Variants in ANKS1B observed in about 807,000 individuals in gnomAD.
The protein encoded by ANKS1B is ankyrin repeat and sterile alpha motif domain containing 1B, also known as ankyrin repeat and sterile alpha motif domain-containing protein 1B.
ANKS1B carries 36 observed loss-of-function variants against 148.3 expected under a neutral mutation model. The observed-to-expected ratio is 0.24, with a 90% CI of 0.19 to 0.32. ANKS1B has a LOEUF of 0.32. Ranked by LOEUF, ANKS1B falls within the 10% of genes least tolerant of loss-of-function variation. The pLI, the probability that ANKS1B is intolerant of heterozygous loss-of-function variation, is 1.00. For synonymous variants in ANKS1B, 542 were observed against 560.8 expected (o/e 0.97, Z 0.47); for missense variants, 1,157 against 1,542.6 (o/e 0.75, Z 4.19).
intron 9 of ANKS1B, among the ~76,000 whole-genome samples, chr12:99,532,905 T>C (rs1429703911): frequency 6.6e-6 from 1 of 152,176 alleles, no homozygotes; most frequent in Non-Finnish European, 1.5e-5. Flanking sequence ...ACCAGTACCA[T>C]GTTATTTTGG....
At chr12:99,548,048 G>A (rs568789800) in intron 9 of ANKS1B, among the ~76,000 whole-genome samples, 2 of 152,132 alleles carry the variant, frequency 1.3e-5, no homozygotes, top group South Asian at 4.1e-4. Flanking sequence ...AATAAAATTT[G>A]TGTTAATTAT....
intron 17 of ANKS1B, among the ~76,000 whole-genome samples, chr12:98,847,344 A>C (rs2153743868): frequency 6.6e-6 from 1 of 152,288 alleles, no homozygotes; most frequent in Non-Finnish European, 1.5e-5. Flanking sequence ...TTCCACATTG[A>C]AGTGAGATCA....
At chr12:99,831,627 A>T (rs1346289282) in intron 1 of ANKS1B, among the ~76,000 whole-genome samples, 1 of 151,976 alleles carries the variant, frequency 6.6e-6, no homozygotes, top group Admixed American at 6.6e-5. Context: ...CTTAGTACTC[A>T]TCTTTCTCTC....
rs1276107849 is a variant in ANKS1B at position 99,246,324 on chromosome 12, G to T, written c.2297C>A (p.Ser766Tyr). ...TGGTGTTCTTTCAGAATTCCCTTTA[G>T]AACTGTGTTCAGCAGTGGAAGATTC... ...WSESSTAEHSSKGNSERTPSF... is the reference protein window; with the variant it reads ...WSESSTAEHSYKGNSERTPSF... Residue 766 changes from serine to tyrosine, a missense_variant, in exon 13 of 27, where the codon TCT becomes TAT. Physicochemically the swap from Ser to Tyr is moderately radical, Grantham distance 144. Coordinates refer to ENST00000683438, the MANE Select transcript of ANKS1B (RefSeq NM_001352186.2). The T allele has an allele frequency of 6.2e-7, 1 of 1,610,302 alleles. No individual in the cohort carries two copies. The highest frequency in any genetic ancestry group is 1.1e-5 in the South Asian group (1 of 90,308).
chr12:99,327,242 T>TA (rs2152241438), intron 12 of ANKS1B, among the ~76,000 whole-genome samples: 1 of 108,572 alleles, frequency 9.2e-6, no homozygotes, highest in African/African-American at 3.7e-5. Context: ...ATAATAATTA[T>TA]AATTTATTAT....
intron 17 of ANKS1B, among the ~76,000 whole-genome samples, chr12:98,842,922 A>C (rs1014966172): frequency 2.6e-5 from 4 of 152,210 alleles, no homozygotes; most frequent in African/African-American, 9.7e-5. Context: ...TGAGGGTCTT[A>C]ATCCTCCAAG....
chr12:99,747,423 T>C (rs529213976), intron 8 of ANKS1B, among the ~76,000 whole-genome samples: 1 of 152,094 alleles, frequency 6.6e-6, no homozygotes, highest in South Asian at 2.1e-4. Flanking sequence ...CCAATCCTCA[T>C]CTCAGCCCTT....
chr12:99,620,554 T>C (rs963224970), intron 9 of ANKS1B, among the ~76,000 whole-genome samples: 1 of 152,148 alleles, frequency 6.6e-6, no homozygotes, highest in Non-Finnish European at 1.5e-5. Context: ...CATTTGGAAT[T>C]GAGAAATTTG....
At chr12:99,870,073 T>G (rs2091304981) in intron 1 of ANKS1B, among the ~76,000 whole-genome samples, 1 of 152,182 alleles carries the variant, frequency 6.6e-6, no homozygotes, top group Admixed American at 6.5e-5. Flanking sequence ...ATTCGATAGT[T>G]TTTCAACTCT....
chr12:99,795,842 T>A (rs1005461365), intron 4 of ANKS1B, among the ~76,000 whole-genome samples: 2 of 152,052 alleles, frequency 1.3e-5, no homozygotes, highest in African/African-American at 4.8e-5. Flanking sequence ...ACTAAGCACT[T>A]ACCGTGCACT....
At chr12:99,491,276 G>A (rs573843271) in intron 10 of ANKS1B, among the ~76,000 whole-genome samples, 70 of 151,560 alleles carry the variant, frequency 4.6e-4, no homozygotes, top group African/African-American at 1.6e-3. Flanking sequence ...CTGCACTCCA[G>A]CCTGGGCGAC....
rs763825059 is a variant in ANKS1B at position 98,799,022 on chromosome 12, AT to A, written c.3271-18del. On this transcript the variant is annotated intron_variant, in intron 21 of 26. Coordinates refer to ENST00000683438, the MANE Select transcript of ANKS1B (RefSeq NM_001352186.2). ...ACCTAAATACTAAAATACAAAAAAA[AT>A]TCAATGATTTATGAAATGGAATATA... 4 of 1,566,810 alleles carry A rather than the reference AT, an allele frequency of 2.6e-6. No homozygotes were observed. The South Asian group carries it at 4.7e-5, about 18-fold the overall frequency.
At chr12:99,508,311 C>T (rs953731034) in intron 9 of ANKS1B, among the ~76,000 whole-genome samples, 5 of 151,780 alleles carry the variant, frequency 3.3e-5, no homozygotes, top group East Asian at 3.9e-4. Flanking sequence ...CAGGGTTATG[C>T]TGCCTATTCT....
At chr12:99,536,263 G>C (rs2097064634) in intron 9 of ANKS1B, among the ~76,000 whole-genome samples, 1 of 152,142 alleles carries the variant, frequency 6.6e-6, no homozygotes, top group South Asian at 2.1e-4. Flanking sequence ...TTCATCAATT[G>C]TAACAAATGT....
At chr12:99,454,097 T>C (rs993514716) in intron 10 of ANKS1B, among the ~76,000 whole-genome samples, 2 of 152,176 alleles carry the variant, frequency 1.3e-5, no homozygotes, top group African/African-American at 2.4e-5. Context: ...TGGGAAGCTA[T>C]AAATAGTTCA....
At chr12:99,472,522 TA>T (rs370799910) in intron 10 of ANKS1B, among the ~76,000 whole-genome samples, 149 of 152,290 alleles carry the variant, frequency 9.8e-4, no homozygotes, top group Admixed American at 3.5e-3. Flanking sequence ...TTTGTTGTTG[TA>T]ACAAAAATTG....
At chr12:99,883,120 C>T (rs986387725) in intron 1 of ANKS1B, among the ~76,000 whole-genome samples, 3 of 152,132 alleles carry the variant, frequency 2.0e-5, no homozygotes, top group Admixed American at 1.3e-4. Flanking sequence ...ATATAATAGA[C>T]TATTCTTTCA....
rs889250375 is a variant in ANKS1B at position 99,401,817 on chromosome 12, T to A, written c.1576-2006A>T. 2.7e-5 allele frequency among the ~76,000 whole-genome samples: 4 copies of A among 146,628 alleles called. 1 individual carries two copies. The highest frequency in any genetic ancestry group is 1.0e-4 in the African/African-American group (4 of 38,750). On this transcript the variant is annotated intron_variant, in intron 11 of 26. Transcript: ENST00000683438. The stretch of plus-strand genomic sequence containing the variant: ...TAAGGGTGATGAAAAATTAGAAGCA[T>A]TATACTTAGTCATGCCCTAAGGCAA...
chr12:99,326,958 A>G (rs1182626740), intron 12 of ANKS1B, among the ~76,000 whole-genome samples: 2 of 145,366 alleles, frequency 1.4e-5, no homozygotes, highest in Admixed American at 7.2e-5. Flanking sequence ...AACATCATAG[A>G]GTATATGTAT....
Sources: gnomAD v4.1 joint callset for allele counts (sites outside exome capture counted in the v4.1 genomes callset) on GRCh38, gnomAD v4.1.1 for gene constraint, MANE v1.5 for transcripts, NCBI Gene and HGNC (gene_info 2026-07-23, HGNC 2026-07-21) for gene names.